The following GLDC variants were observed in gnomAD, a reference collection of about 807,000 sequenced individuals.
GLDC encodes the protein glycine decarboxylase, also known as glycine dehydrogenase (decarboxylating), mitochondrial.
Under a neutral mutation model 121.3 loss-of-function variants are expected in GLDC, and 104 were observed. The ratio of observed to expected loss-of-function variants is 0.86; its 90% CI spans 0.73 to 1.01. The LOEUF (loss-of-function observed/expected upper bound fraction) is 1.01, where lower values mean the gene tolerates loss of function less well. Ranked by LOEUF, GLDC falls within the 50% of genes least tolerant of loss-of-function variation. The pLI, the probability that GLDC is intolerant of heterozygous loss-of-function variation, is 0.00. For synonymous variants in GLDC, 546 were observed against 480.6 expected (o/e 1.14, Z -1.78); for missense variants, 1,429 against 1,306.6 (o/e 1.09, Z -1.44).
rs1355492624 is a variant in GLDC at position 6,536,082 on chromosome 9, G to A, written c.2820C>T (p.Pro940=). ...IADIEEGRID[P]RVNPLKMSPH... ...TACGCACCTTCAGCGGATTGACCCT[G>A]GGGTCGATGCGGCCCTCCTCAATGT... The change falls in exon 23 of 25, where the codon CCC becomes CCT. Residue 940 remains proline, a synonymous_variant. Coordinates refer to ENST00000321612, the MANE Select transcript of GLDC (RefSeq NM_000170.3). The A allele has an allele frequency of 1.7e-5, 28 of 1,613,562 alleles. No homozygotes were observed. The highest frequency in any genetic ancestry group is 2.1e-5 in the Non-Finnish European group (25 of 1,179,784).
intron 2 of GLDC, among the ~76,000 whole-genome samples, chr9:6,628,309 A>G (rs544592321): frequency 6.6e-6 from 1 of 152,348 alleles, no homozygotes; most frequent in East Asian, 1.9e-4. Context: ...CAAATGGGAA[A>G]AGGGAAAAAG....
At chr9:6,624,312 G>C (rs1411064119) in intron 2 of GLDC, among the ~76,000 whole-genome samples, 1 of 152,148 alleles carries the variant, frequency 6.6e-6, no homozygotes, top group African/African-American at 2.4e-5. Context: ...GTTAAAATGA[G>C]ATCATGCTGG....
At chr9:6,600,695 GA>G (rs372859128) in intron 8 of GLDC, among the ~76,000 whole-genome samples, 22 of 144,056 alleles carry the variant, frequency 1.5e-4, no homozygotes, top group South Asian at 2.2e-4. Context: ...AAAAGAAGAA[GA>G]AAAAAAAAAA....
chr9:6,619,160 A>C (rs1389412715), intron 3 of GLDC, among the ~76,000 whole-genome samples: 2 of 149,012 alleles, frequency 1.3e-5, no homozygotes, highest in Non-Finnish European at 3.0e-5. Context: ...AAAAAAAAAA[A>C]AAAAAAAAAA....
Position 6,565,387 on chromosome 9 carries a change from G to A in GLDC, c.1893C>T (p.Ala631=), listed in dbSNP as rs565751857. The A allele has an allele frequency of 5.8e-5, 93 of 1,613,924 alleles. No individual in the cohort carries two copies. Among genetic ancestry groups the A allele is most frequent in the Admixed American group, 1.5e-4 (9 of 60,022 alleles). Residue 631 remains alanine (A), a synonymous_variant, in exon 16 of 25, where the codon GCC becomes GCT. Transcript: ENST00000321612. ...GEYAGLATIR[A]YLNQKGEGHR... ...GCCCCTCTCCTTTCTGGTTTAAGTAGGCTCGGATAGTGGCCAGTCCAGCAT... is the reference window on the plus strand; with the variant it reads ...GCCCCTCTCCTTTCTGGTTTAAGTAAGCTCGGATAGTGGCCAGTCCAGCAT...
chr9:6,536,370 G>A (rs149860035), intron 22 of GLDC, 134 bp from the exon 23 acceptor site: 8 of 817,976 alleles, frequency 9.8e-6, no homozygotes, highest in Middle Eastern at 2.6e-4. Context: ...ATGTATGTGG[G>A]GACTCATCTC....
chr9:6,543,111 A>G (rs1817304620), intron 21 of GLDC, among the ~76,000 whole-genome samples: 1 of 151,902 alleles, frequency 6.6e-6, no homozygotes, highest in Admixed American at 6.6e-5. Flanking sequence ...ACCCTATCCT[A>G]CAAAATATTT....
At chr9:6,629,958 T>TATATATATATATGTATATATATATATA in intron 2 of GLDC, among the ~76,000 whole-genome samples, 4 of 78,660 alleles carry the variant, frequency 5.1e-5, no homozygotes, top group African/African-American at 6.1e-5. Flanking sequence ...TATATATATA[T>TATATATATATATGTATATATATATATA]TTTTTTTTTT....
chr9:6,643,126 G>A (rs983383032), intron 2 of GLDC, among the ~76,000 whole-genome samples: 1 of 151,962 alleles, frequency 6.6e-6, no homozygotes, highest in Non-Finnish European at 1.5e-5. Context: ...TCAAACTGCT[G>A]GCCTCAAGCG....
Position 6,592,861 on chromosome 9 carries a change from T to C in GLDC, c.1391A>G (p.Glu464Gly). The C allele has an allele frequency of 6.2e-7, 1 of 1,613,450 alleles. No individual in the cohort carries two copies. The highest frequency in any genetic ancestry group is 8.5e-7 in the Non-Finnish European group (1 of 1,179,944). ...GAAAATTTGACTTACTGTGCCATCC[T>C]CAAAAAGCCGAAAATTGATCTGCCG... ...AQRQINFRLFEDGTLGISLDE... is the reference protein window; with the variant it reads ...AQRQINFRLFGDGTLGISLDE... The change falls in exon 10 of 25, where the codon GAG becomes GGG. Residue 464 changes from glutamate (E) to glycine (G), a missense_variant. Glu to Gly is a moderately conservative substitution (Grantham distance 98). Coordinates refer to ENST00000321612, the MANE Select transcript of GLDC (RefSeq NM_000170.3).
At chr9:6,620,116 A>C in intron 3 of GLDC, 68 bp downstream of exon 3, 1 of 1,494,260 alleles carries the variant, frequency 6.7e-7, no homozygotes, top group South Asian at 1.1e-5. Context: ...CTGCAAGGGG[A>C]CAGATGGAGG....
At chr9:6,644,050 A>AAAAAAAAAAAAAAAAAAAAAAAAAAAAAC (rs55988287) in intron 2 of GLDC, among the ~76,000 whole-genome samples, 3 of 92,696 alleles carry the variant, frequency 3.2e-5, no homozygotes, top group African/African-American at 9.6e-5. Context: ...AAAAAAAAAA[A>AAAAAAAAAAAAAAAAAAAAAAAAAAAAAC]CGAAAAAAAA....
intron 21 of GLDC, chr9:6,541,945 A>C (rs1026218760): frequency 1.3e-5 from 2 of 152,056 alleles, no homozygotes; most frequent in African/African-American, 4.8e-5. Context: ...AAAACTTCAA[A>C]AACATTGAAA....
At chr9:6,589,467 A>G (rs1186164505) in intron 11 of GLDC, among the ~76,000 whole-genome samples, 175 bp from the exon 12 acceptor site, 1 of 152,058 alleles carries the variant, frequency 6.6e-6, no homozygotes, top group African/African-American at 2.4e-5. Flanking sequence ...GTCTTTCTCT[A>G]GCACCCAGGC....
chr9:6,588,080 A>AT lies in GLDC; in HGVS notation c.1707+320dup, dbSNP rs1192587834. ...TACCTGAGATTTAGAACTATAAACA[A>AT]TTTTTTTTAAAAAAGCTTTTAATAT... On this transcript the variant is annotated intron_variant, in intron 14 of 24. Coordinates refer to ENST00000321612, the MANE Select transcript of GLDC (RefSeq NM_000170.3). Among the ~76,000 whole-genome samples the AT allele has an allele frequency of 1.2e-3, 140 of 118,476 alleles. 1 individual carries two copies. The Middle Eastern group carries it at 0.033, about 28-fold the overall frequency. 77.7% of individuals were successfully genotyped at this position (118,476 alleles called of 152,430 possible). A position where few individuals can be genotyped will look rare whatever the true frequency, so the allele number is the denominator to read the frequency against.
At chr9:6,620,664 C>T (rs1426337302) in intron 2 of GLDC, among the ~76,000 whole-genome samples, 2 of 152,162 alleles carry the variant, frequency 1.3e-5, no homozygotes, top group Non-Finnish European at 2.9e-5. Flanking sequence ...AATAAAAATT[C>T]TGTCTTACTC....
chr9:6,631,238 C>T (rs953939599), intron 2 of GLDC, among the ~76,000 whole-genome samples: 2 of 152,178 alleles, frequency 1.3e-5, no homozygotes, highest in African/African-American at 4.8e-5. Context: ...CAGGGGTTAC[C>T]GCTCTCCTCA....
intron 23 of GLDC, among the ~76,000 whole-genome samples, chr9:6,535,725 A>T (rs1033592533): frequency 2.0e-5 from 3 of 152,194 alleles, no homozygotes; most frequent in Admixed American, 1.3e-4. Context: ...CTGCTCTAAT[A>T]TAAGAATGTG....
intron 3 of GLDC, among the ~76,000 whole-genome samples, chr9:6,618,851 A>T (rs747986224): frequency 5.3e-5 from 8 of 151,660 alleles, no homozygotes; most frequent in Non-Finnish European, 7.4e-5. Flanking sequence ...CCCTAGAAGT[A>T]GGAGTGACTT....
Sources: gnomAD v4.1 joint callset for allele counts (sites outside exome capture counted in the v4.1 genomes callset) on GRCh38, gnomAD v4.1.1 for gene constraint, MANE v1.5 for transcripts, NCBI Gene and HGNC (gene_info 2026-07-23, HGNC 2026-07-21) for gene names.